The following MGAT4C variants were observed in gnomAD, a reference collection of about 807,000 sequenced individuals.
MGAT4C encodes alpha-1,3-mannosyl-glycoprotein 4-beta-N-acetylglucosaminyltransferase C.
In MGAT4C, 19 loss-of-function variants were observed where a neutral mutation model predicts 40.1. That is an observed-to-expected ratio of 0.47 (90% CI 0.33 to 0.70). The LOEUF is 0.70. Among genes scored for constraint, MGAT4C ranks in the 30% least tolerant of loss-of-function variants. The pLI, the probability that MGAT4C is intolerant of heterozygous loss-of-function variation, is 0.02. For synonymous variants in MGAT4C, 181 were observed against 187.1 expected (o/e 0.97, Z 0.27); for missense variants, 491 against 563.2 (o/e 0.87, Z 1.30).
At position 85,976,849 on chromosome 12, in the gene MGAT4C, T is replaced by C. The variant is rs1482034759; in HGVS notation, c.*2440A>G. 2 of 150,834 alleles carry C rather than the reference T, an allele frequency of 1.3e-5. No homozygotes were observed. The highest frequency in any genetic ancestry group is 2.1e-4 in the South Asian group (1 of 4,822). 9.3% of individuals were successfully genotyped at this position (150,834 alleles called of 1,614,324 possible). A position where few individuals can be genotyped will look rare whatever the true frequency, so the allele number is the denominator to read the frequency against. ...GTTTCTAAATATAGGAAATAGAACA[T>C]TGGGCCATGCTAAAAAAATTGTTCA... is the stretch of plus-strand genomic sequence containing the variant. On this transcript the variant is annotated 3_prime_UTR_variant, in exon 5 of 5. Transcript: ENST00000611864.
chr12:86,548,576 T>C (rs1241777121), intron 2 of MGAT4C, among the ~76,000 whole-genome samples: 1 of 152,102 alleles, frequency 6.6e-6, no homozygotes, highest in African/African-American at 2.4e-5. Context: ...CAAAGGGACA[T>C]CAGCCAGATG....
chr12:86,627,138 C>T (rs561461807), intron 2 of MGAT4C, among the ~76,000 whole-genome samples: 9 of 142,218 alleles, frequency 6.3e-5, no homozygotes, highest in South Asian at 2.3e-4. Flanking sequence ...AGTCCAAGAT[C>T]GAACTGCCAA....
chr12:86,783,915 TTATAATACAGAAGG>T (rs1176454802), intron 1 of MGAT4C, among the ~76,000 whole-genome samples: 1 of 152,130 alleles, frequency 6.6e-6, no homozygotes, highest in Admixed American at 6.5e-5. Flanking sequence ...TCAATCTTCC[TTATAATACAGAAGG>T]AAAAATTCAC....
intron 1 of MGAT4C, among the ~76,000 whole-genome samples, chr12:86,079,742 T>C (rs991986462): frequency 1.3e-5 from 2 of 151,526 alleles, no homozygotes. Flanking sequence ...ATTATTTGTA[T>C]AAGTGTGTAA....
At chr12:86,183,952 T>C (rs1888425375) in intron 1 of MGAT4C, among the ~76,000 whole-genome samples, 1 of 152,104 alleles carries the variant, frequency 6.6e-6, no homozygotes, top group African/African-American at 2.4e-5. Context: ...AGTTATCAAA[T>C]CACTCCATCA....
intron 2 of MGAT4C, among the ~76,000 whole-genome samples, chr12:86,549,759 G>C (rs1959255347): frequency 6.6e-6 from 1 of 152,142 alleles, no homozygotes; most frequent in Non-Finnish European, 1.5e-5. Context: ...TGGAGGGAGA[G>C]TGCTGAAAAC....
At chr12:86,376,370 C>A in intron 3 of MGAT4C, among the ~76,000 whole-genome samples, 1 of 151,582 alleles carries the variant, frequency 6.6e-6, no homozygotes, top group Admixed American at 6.6e-5. Context: ...AGAATGAGAC[C>A]CTGTCTCAAA....
intron 1 of MGAT4C, among the ~76,000 whole-genome samples, chr12:86,766,406 T>C (rs374949206): frequency 4.6e-5 from 7 of 152,140 alleles, no homozygotes; most frequent in Middle Eastern, 3.4e-3. Flanking sequence ...TAGACTCCCA[T>C]ACATTAATAA....
chr12:86,569,159 G>T (rs1199473796), intron 2 of MGAT4C, among the ~76,000 whole-genome samples: 1 of 151,644 alleles, frequency 6.6e-6, no homozygotes, highest in African/African-American at 2.4e-5. Flanking sequence ...AGATTCATAG[G>T]GTAAAAGCCT....
In MGAT4C at chr12:85,967,714, T is replaced by C. The variant is rs186211042; in HGVS notation, c.*11575A>G. On this transcript the variant is annotated 3_prime_UTR_variant, in exon 5 of 5. Coordinates refer to ENST00000611864, the MANE Select transcript of MGAT4C (RefSeq NM_001351288.2). ...AGATGATCAGATTTTTTAAAAGTGA[T>C]TTTAATTAAATGGACATGTTTCTCT... 8.5e-5 allele frequency: 13 copies of C among 152,224 alleles called. No homozygotes were observed. The East Asian group carries it at 2.5e-3, about 29-fold the overall frequency. The allele number at this position is 152,224 out of a possible 1,614,324, so 9.4% of individuals were successfully genotyped here.
chr12:86,194,993 C>T (rs1479124365), intron 1 of MGAT4C, among the ~76,000 whole-genome samples: 2 of 152,194 alleles, frequency 1.3e-5, no homozygotes, highest in Non-Finnish European at 2.9e-5. Flanking sequence ...AAAATATCAG[C>T]AAATGTGTAG....
chr12:86,673,798 G>A (rs554378601), intron 2 of MGAT4C, among the ~76,000 whole-genome samples: 2 of 151,916 alleles, frequency 1.3e-5, no homozygotes, highest in Non-Finnish European at 2.9e-5. Flanking sequence ...ATACTTAAAT[G>A]ACTGTTTGAC....
At chr12:86,135,735 C>T (rs1008735124) in intron 1 of MGAT4C, among the ~76,000 whole-genome samples, 14 of 152,150 alleles carry the variant, frequency 9.2e-5, no homozygotes, top group African/African-American at 2.2e-4. Context: ...AGAATGTCAG[C>T]ATCATCTTTG....
At chr12:86,030,706 G>T (rs1890677040) in intron 2 of MGAT4C, among the ~76,000 whole-genome samples, 1 of 151,656 alleles carries the variant, frequency 6.6e-6, no homozygotes, top group African/African-American at 2.4e-5. Flanking sequence ...GTAGTTCAAA[G>T]CACATTTTAT....
chr12:86,305,043 G>A (rs34023616), intron 4 of MGAT4C, among the ~76,000 whole-genome samples: 3,646 of 150,640 alleles, frequency 0.024, 101 homozygotes, highest in Non-Finnish European at 0.036. Context: ...ACAGATATCT[G>A]GTCTTTATCA....
chr12:86,476,597 A>G (rs925999632), intron 2 of MGAT4C, among the ~76,000 whole-genome samples: 1 of 152,112 alleles, frequency 6.6e-6, no homozygotes, highest in African/African-American at 2.4e-5. Flanking sequence ...CCAAAGGAAA[A>G]AAAAAATTTA....
intron 1 of MGAT4C, among the ~76,000 whole-genome samples, chr12:86,770,892 T>C (rs1234152150): frequency 6.6e-6 from 1 of 152,048 alleles, no homozygotes; most frequent in Non-Finnish European, 1.5e-5. Flanking sequence ...TGAAGGAAGG[T>C]GGTGTGGGTT....
At chr12:86,447,989 C>T (rs1592860219) in intron 2 of MGAT4C, among the ~76,000 whole-genome samples, 1 of 152,138 alleles carries the variant, frequency 6.6e-6, no homozygotes, top group South Asian at 2.1e-4. Context: ...TTGCTGCATG[C>T]GTCTGAGATG....
intron 1 of MGAT4C, among the ~76,000 whole-genome samples, chr12:86,804,706 A>G (rs1229860038): frequency 6.6e-6 from 1 of 152,016 alleles, no homozygotes; most frequent in Admixed American, 6.6e-5. Flanking sequence ...TTGTTAAGTG[A>G]CAGATCCCTA....
Sources: gnomAD v4.1 joint callset for allele counts (sites outside exome capture counted in the v4.1 genomes callset) on GRCh38, gnomAD v4.1.1 for gene constraint, MANE v1.5 for transcripts, NCBI Gene and HGNC (gene_info 2026-07-23, HGNC 2026-07-21) for gene names.